PCDHA2: variants seen among roughly 807,000 people sequenced by gnomAD.
PCDHA2 encodes protocadherin alpha-2.
A neutral mutation model predicts 66.0 loss-of-function variants in PCDHA2; 58 were observed. The observed-to-expected ratio is 0.88, with a 90% CI of 0.71 to 1.09. PCDHA2 has a LOEUF of 1.09. Among genes scored for constraint, PCDHA2 ranks in the 50% least tolerant of loss-of-function variants. The pLI is 0.00. For synonymous variants in PCDHA2, 634 were observed against 554.0 expected (o/e 1.14, Z -2.03); for missense variants, 1,267 against 1,242.3 (o/e 1.02, Z -0.30).
At chr5:140,862,596 G>A (rs543851067) in intron 1 of PCDHA2, 2 of 510,824 alleles carry the variant, frequency 3.9e-6, no homozygotes, top group East Asian at 1.0e-4. Flanking sequence ...CCGAGTACAT[G>A]GTGTTCGTGA....
In PCDHA2 at chr5:140,883,728, A is replaced by G. The variant is rs781971725; in HGVS notation, c.2388+86376A>G. 2 of 1,613,392 alleles carry G rather than the reference A, an allele frequency of 1.2e-6. No homozygotes were observed. The highest frequency in any genetic ancestry group is 2.7e-5 in the African/African-American group (2 of 74,914). On this transcript the variant is annotated intron_variant, in intron 1 of 3. Transcript: ENST00000526136. ...GCTCAGGACGCGGACGCACAGGAGA[A>G]CGCGCTGGTCTCCTACTCGCTGGTG...
chr5:140,927,740 G>A (rs782665573), intron 1 of PCDHA2: 5 of 1,614,206 alleles, frequency 3.1e-6, no homozygotes, highest in Middle Eastern at 1.6e-4. Context: ...CTGCGACACC[G>A]CTTTCACGTG....
chr5:140,846,853 G>A (rs1277401160), intron 1 of PCDHA2, among the ~76,000 whole-genome samples: 1 of 149,686 alleles, frequency 6.7e-6, no homozygotes, highest in East Asian at 1.9e-4. Flanking sequence ...TGCAAGGCAA[G>A]ATAATGTAAC....
chr5:140,821,804 G>C, intron 1 of PCDHA2: 1 of 1,613,464 alleles, frequency 6.2e-7, no homozygotes, highest in South Asian at 1.1e-5. Context: ...GGAAGTCTGG[G>C]ATCCCGGCTC....
intron 1 of PCDHA2, chr5:140,967,025 C>A: frequency 1.2e-6 from 2 of 1,608,362 alleles, no homozygotes; most frequent in Non-Finnish European, 8.5e-7. Flanking sequence ...TGCGCCCAGT[C>A]CGCGCTACCT....
chr5:141,003,074 G>A (rs941146075), intron 3 of PCDHA2, among the ~76,000 whole-genome samples: 2 of 152,224 alleles, frequency 1.3e-5, no homozygotes, highest in Non-Finnish European at 2.9e-5. Flanking sequence ...GCAGATGAGG[G>A]TGAGTTTAAC....
intron 1 of PCDHA2, among the ~76,000 whole-genome samples, chr5:140,935,722 G>A (rs1230672751): frequency 6.6e-6 from 1 of 152,006 alleles, no homozygotes; most frequent in Non-Finnish European, 1.5e-5. Context: ...TATATTTAGA[G>A]AAGTCTAGTA....
intron 1 of PCDHA2, chr5:140,870,643 G>C (rs782549928): frequency 6.2e-7 from 1 of 1,612,678 alleles, no homozygotes; most frequent in African/African-American, 1.3e-5. Flanking sequence ...CGCGGAGAGC[G>C]GCAAGGTGTA....
intron 3 of PCDHA2, among the ~76,000 whole-genome samples, chr5:141,005,360 A>G (rs1215157808): frequency 6.6e-6 from 1 of 152,184 alleles, no homozygotes; most frequent in Non-Finnish European, 1.5e-5. Flanking sequence ...TAGGAATGTC[A>G]TAGAATGCCT....
At chr5:140,841,198 C>A in intron 1 of PCDHA2, 1 of 1,281,352 alleles carries the variant, frequency 7.8e-7, no homozygotes, top group Non-Finnish European at 1.1e-6. Context: ...TTTTCTCTGA[C>A]AGCATCTGTC....
At chr5:140,968,378 G>A (rs782689152) in intron 1 of PCDHA2, 15 of 1,614,040 alleles carry the variant, frequency 9.3e-6, no homozygotes, top group Non-Finnish European at 1.3e-5. Context: ...CAACTCCTTT[G>A]ACTATGAGAA....
intron 1 of PCDHA2, among the ~76,000 whole-genome samples, chr5:140,962,257 A>C (rs915555866): frequency 6.6e-6 from 1 of 152,174 alleles, no homozygotes; most frequent in Admixed American, 6.5e-5. Context: ...AATGAAAAAT[A>C]ATTTTATAAT....
intron 3 of PCDHA2, among the ~76,000 whole-genome samples, chr5:140,992,490 G>A (rs2097515419): frequency 6.6e-6 from 1 of 152,196 alleles, no homozygotes; most frequent in Non-Finnish European, 1.5e-5. Flanking sequence ...AGGCCAATCT[G>A]TAAGGATTCA....
chr5:140,824,402 G>T (rs1768107554), intron 1 of PCDHA2: 3 of 539,824 alleles, frequency 5.6e-6, no homozygotes, highest in East Asian at 3.1e-5. Flanking sequence ...GATAATAATT[G>T]TAAGACATAG....
chr5:140,947,975 A>C lies in PCDHA2; in HGVS notation c.2389-30974A>C, dbSNP rs572156919. ...TTTTACAATTAAGTATGTGCTACTC[A>C]TAGGTTTTTCCCAAATACTTTATTA... On this transcript the variant is annotated intron_variant, in intron 1 of 3. Transcript: ENST00000526136. Among the ~76,000 whole-genome samples the C allele has an allele frequency of 2.7e-5, 4 of 150,726 alleles. No individual in the cohort carries two copies. In the East Asian group the frequency reaches 7.8e-4, roughly 29 times the overall value.
chr5:140,929,308 G>A, intron 1 of PCDHA2: 3 of 1,569,682 alleles, frequency 1.9e-6, no homozygotes, highest in East Asian at 2.3e-5. Context: ...AGGGGATCAC[G>A]CTAATGTCAA....
intron 2 of PCDHA2, among the ~76,000 whole-genome samples, chr5:140,979,837 C>T (rs1554241124): frequency 6.6e-6 from 1 of 152,188 alleles, no homozygotes; most frequent in Non-Finnish European, 1.5e-5. Flanking sequence ...AAGAAATAAT[C>T]TTCAAACTTA....
At chr5:140,882,482 G>C (rs200256955) in intron 1 of PCDHA2, 38 of 1,613,930 alleles carry the variant, frequency 2.4e-5, no homozygotes, top group Admixed American at 8.3e-5. Flanking sequence ...CAAAAGACAC[G>C]GGGACCTTCT....
At chr5:140,845,380 G>A (rs1779849548) in intron 1 of PCDHA2, among the ~76,000 whole-genome samples, 1 of 149,264 alleles carries the variant, frequency 6.7e-6, no homozygotes, top group South Asian at 2.1e-4. Context: ...TAAATAGGAG[G>A]ATTCTTTCCA....
Sources: gnomAD v4.1 joint callset for allele counts (sites outside exome capture counted in the v4.1 genomes callset) on GRCh38, gnomAD v4.1.1 for gene constraint, MANE v1.5 for transcripts, NCBI Gene and HGNC (gene_info 2026-07-23, HGNC 2026-07-21) for gene names.